Variants in GABRA4 observed in about 807,000 individuals in gnomAD.
The protein encoded by GABRA4 is gamma-aminobutyric acid receptor subunit alpha-4.
A neutral mutation model predicts 49.7 loss-of-function variants in GABRA4; 12 were observed. That is an observed-to-expected ratio of 0.24 (90% confidence interval 0.15 to 0.39). The LOEUF is 0.39. Ranked by LOEUF, GABRA4 falls within the 10% of genes least tolerant of loss-of-function variation. The pLI is 1.00. For missense variants in GABRA4, 506 were observed against 686.0 expected, an observed-to-expected ratio of 0.74 and a Z score of 2.93; for synonymous variants, 288 against 240.2, an observed-to-expected ratio of 1.20 and a Z score of -1.84.
Position 46,928,474 on chromosome 4 carries a change from A to C in GABRA4, c.1416T>G (p.Ser472=). The C allele has an allele frequency of 6.2e-7, 1 of 1,613,742 alleles. No homozygotes were observed. Residue 472 remains serine (S), a synonymous_variant, in exon 9 of 9, where the codon TCT becomes TCG. Coordinates refer to ENST00000264318, the MANE Select transcript of GABRA4 (RefSeq NM_000809.4). The part of the protein sequence containing the change: ...GYMPRKASVG[S]ASTRHVFGSR... ...ATCCAAACACGTGACGAGTAGAAGC[A>C]GATCCAACTGAAGCCTTTCGAGGCA...
At chr4:46,952,450 TA>T (rs1308928373) in intron 8 of GABRA4, among the ~76,000 whole-genome samples, 2 of 152,074 alleles carry the variant, frequency 1.3e-5, no homozygotes, top group Non-Finnish European at 2.9e-5. Flanking sequence ...TCAAAATACA[TA>T]AAAATTTTCT....
chr4:46,992,949 G>GAAAA lies in GABRA4; in HGVS notation c.87-4_87-3insTTTT. 6.6e-7 allele frequency: 1 copy of GAAAA among 1,505,168 alleles called. No individual in the cohort carries two copies. 93.2% of individuals were successfully genotyped at this position (1,505,168 alleles called of 1,614,324 possible). ...TCTGTCCTGGGGATTCGTTTAAACT[G>GAAAA]CAAGCGAAAAAAAAAAAACCGGGGG... On this transcript the variant is annotated splice_polypyrimidine_tract_variant and splice_region_variant and intron_variant, in intron 1 of 8. Coordinates refer to ENST00000264318, the MANE Select transcript of GABRA4 (RefSeq NM_000809.4).
chr4:46,925,717 T>C lies in GABRA4; in HGVS notation c.*2508A>G, dbSNP rs1363463027. ...TCAGTTAAGGAAAGCAAACAACATA[T>C]TATTATTATTATTATTATTATTATT... On this transcript the variant is annotated 3_prime_UTR_variant, in exon 9 of 9. Coordinates refer to ENST00000264318, the MANE Select transcript of GABRA4 (RefSeq NM_000809.4). 1 of 49,322 alleles carries C rather than the reference T, an allele frequency of 2.0e-5. No homozygotes were observed. Among genetic ancestry groups the C allele is most frequent in the Non-Finnish European group, 4.6e-5 (1 of 21,870 alleles). The allele number at this position is 49,322 out of a possible 1,614,324, so 3.1% of individuals were successfully genotyped here.
At chr4:46,968,965 C>A (rs1467697341) in intron 7 of GABRA4, among the ~76,000 whole-genome samples, 1 of 151,590 alleles carries the variant, frequency 6.6e-6, no homozygotes, top group Non-Finnish European at 1.5e-5. Flanking sequence ...TAATAAATAA[C>A]ACTTAAATCA....
In GABRA4 at chr4:46,951,905, T is replaced by G. The variant is rs377284055; in HGVS notation, c.1134+13065A>C. On this transcript the variant is annotated intron_variant, in intron 8 of 8. Coordinates refer to ENST00000264318, the MANE Select transcript of GABRA4 (RefSeq NM_000809.4). The stretch of plus-strand genomic sequence containing the variant: ...ACTTTTCAGGGAGGCAAAAATAGAG[T>G]GCCCACATGACTACTGCTTCTGTGA... Among the ~76,000 whole-genome samples the G allele has an allele frequency of 1.1e-4, 17 of 151,842 alleles. No individual in the cohort carries two copies. In the East Asian group the frequency reaches 3.3e-3, roughly 29 times the overall value.
intron 2 of GABRA4, among the ~76,000 whole-genome samples, chr4:46,991,237 C>T (rs1292410515): frequency 6.6e-6 from 1 of 152,060 alleles, no homozygotes; most frequent in African/African-American, 2.4e-5. Context: ...TCAATGACTT[C>T]CCATAACCTT....
At chr4:46,978,997 C>T in intron 3 of GABRA4, 34 bp downstream of exon 3, 1 of 1,413,158 alleles carries the variant, frequency 7.1e-7, no homozygotes, top group Admixed American at 1.7e-5. Context: ...TTCTTCAAGT[C>T]TCAAAAGGTA....
Position 46,942,540 on chromosome 4 carries a change from G to T in GABRA4, c.1135-13785C>A, listed in dbSNP as rs73813744. 2.9e-4 allele frequency among the ~76,000 whole-genome samples: 44 copies of T among 151,488 alleles called. 1 individual carries two copies. The highest frequency in any genetic ancestry group is 9.9e-4 in the African/African-American group (41 of 41,234). On this transcript the variant is annotated intron_variant, in intron 8 of 8. Transcript: ENST00000264318. ...CTTGGGAGGCTGAGGCATGAGAATT[G>T]CTTGAACGCGGAAGGTGGAGTTTGC...
At chr4:46,933,654 C>T (rs973188530) in intron 8 of GABRA4, among the ~76,000 whole-genome samples, 1 of 152,156 alleles carries the variant, frequency 6.6e-6, no homozygotes, top group African/African-American at 2.4e-5. Context: ...TGGCACACGA[C>T]TCACTGGGAA....
In GABRA4 at chr4:46,974,220, T is replaced by C; in HGVS notation, c.721+12A>G. On this transcript the variant is annotated intron_variant, in intron 6 of 8. Transcript: ENST00000264318. Reference sequence around the variant, plus strand: ...CAAGTAGCATGTCGGCTTTAATCATTACACATCTCACCCGTAATTGATTTG... The same window carrying C: ...CAAGTAGCATGTCGGCTTTAATCATCACACATCTCACCCGTAATTGATTTG... 1 of 1,609,312 alleles carries C rather than the reference T, an allele frequency of 6.2e-7. No individual in the cohort carries two copies. The highest frequency in any genetic ancestry group is 1.1e-5 in the South Asian group (1 of 90,350).
At chr4:46,969,284 T>C (rs866736185) in intron 7 of GABRA4, among the ~76,000 whole-genome samples, 5 of 151,578 alleles carry the variant, frequency 3.3e-5, no homozygotes, top group South Asian at 4.1e-4. Flanking sequence ...ATGAGTTTTT[T>C]TATGCGTAAA....
Position 46,924,056 on chromosome 4 carries a change from A to G in GABRA4, c.*4169T>C, listed in dbSNP as rs1461624134. 1 of 152,098 alleles carries G rather than the reference A, an allele frequency of 6.6e-6. No homozygotes were observed. Among genetic ancestry groups the G allele is most frequent in the Non-Finnish European group, 1.5e-5 (1 of 68,004 alleles). 9.4% of individuals were successfully genotyped at this position (152,098 alleles called of 1,614,324 possible). A position where few individuals can be genotyped will look rare whatever the true frequency, so the allele number is the denominator to read the frequency against. The stretch of plus-strand genomic sequence containing the variant: ...AACTCCAAATCATTCTATAAAATTT[A>G]GCTTAAGATTATATCTGTGAAACCT... On this transcript the variant is annotated 3_prime_UTR_variant, in exon 9 of 9. Coordinates refer to ENST00000264318, the MANE Select transcript of GABRA4 (RefSeq NM_000809.4).
At chr4:46,958,872 A>C (rs1327202888) in intron 8 of GABRA4, among the ~76,000 whole-genome samples, 2 of 151,994 alleles carry the variant, frequency 1.3e-5, no homozygotes, top group East Asian at 3.9e-4. Flanking sequence ...AGGTCTACTG[A>C]AATACCAAAT....
At chr4:46,968,484 A>T (rs2109380970) in intron 7 of GABRA4, among the ~76,000 whole-genome samples, 2 of 151,704 alleles carry the variant, frequency 1.3e-5, no homozygotes, top group African/African-American at 4.8e-5. Context: ...GTGAAGACAG[A>T]CTGACTGAGT....
intron 7 of GABRA4, among the ~76,000 whole-genome samples, chr4:46,969,564 G>C (rs1440799685): frequency 6.6e-6 from 1 of 151,478 alleles, no homozygotes; most frequent in Non-Finnish European, 1.5e-5. Flanking sequence ...ACACTTAAAA[G>C]TCAAGGAAAC....
chr4:46,945,524 G>T (rs768297622), intron 8 of GABRA4, among the ~76,000 whole-genome samples: 8 of 152,078 alleles, frequency 5.3e-5, no homozygotes, highest in Non-Finnish European at 8.8e-5. Context: ...TAAAGCTATC[G>T]TTTATTGAAA....
chr4:46,980,036 GT>G (rs1723294479), intron 2 of GABRA4, among the ~76,000 whole-genome samples: 1 of 151,510 alleles, frequency 6.6e-6, no homozygotes, highest in Non-Finnish European at 1.5e-5. Context: ...TTCAAATTTG[GT>G]TCTAACATCT....
chr4:46,989,012 G>A (rs754333986), intron 2 of GABRA4, among the ~76,000 whole-genome samples: 1 of 152,196 alleles, frequency 6.6e-6, no homozygotes, highest in Non-Finnish European at 1.5e-5. Context: ...GTCCACTAAT[G>A]TGAAGTCCTA....
Position 46,991,738 on chromosome 4 carries a change from G to A in GABRA4, c.205+1090C>T, listed in dbSNP as rs757528474. ...GAACTTGGACTCAATTTCCTTATCTGTAAAGTGGGGATGGTAATGGCTTTC... is the reference window on the plus strand; with the variant it reads ...GAACTTGGACTCAATTTCCTTATCTATAAAGTGGGGATGGTAATGGCTTTC... On this transcript the variant is annotated intron_variant, in intron 2 of 8. Coordinates refer to ENST00000264318, the MANE Select transcript of GABRA4 (RefSeq NM_000809.4). 4.5e-4 allele frequency among the ~76,000 whole-genome samples: 24 copies of A among 53,114 alleles called. No individual in the cohort carries two copies. The East Asian group carries it at 0.013, about 28-fold the overall frequency. The allele number at this position is 53,114 out of a possible 152,430, so 34.8% of individuals were successfully genotyped here.
Sources: gnomAD v4.1 joint callset for allele counts (sites outside exome capture counted in the v4.1 genomes callset) on GRCh38, gnomAD v4.1.1 for gene constraint, MANE v1.5 for transcripts, NCBI Gene and HGNC (gene_info 2026-07-23, HGNC 2026-07-21) for gene names.